PARD3B: variants seen among roughly 807,000 people sequenced by gnomAD.
PARD3B encodes the protein partitioning defective 3 homolog B.
Under a neutral mutation model 130.2 loss-of-function variants are expected in PARD3B, and 103 were observed. The ratio of observed to expected loss-of-function variants is 0.79; its 90% CI spans 0.67 to 0.93. The LOEUF is 0.93. Among genes scored for constraint, PARD3B ranks in the 40% least tolerant of loss-of-function variants. The pLI is 0.00. For missense variants in PARD3B, 1,609 were observed against 1,499.2 expected, an observed-to-expected ratio of 1.07 and a Z score of -1.21; for synonymous variants, 583 against 553.2, an observed-to-expected ratio of 1.05 and a Z score of -0.76.
chr2:204,943,922 C>T lies in PARD3B; in HGVS notation c.223-21230C>T, dbSNP rs1203690044. Among the ~76,000 whole-genome samples the T allele has an allele frequency of 6.6e-6, 1 of 152,088 alleles. No homozygotes were observed. On this transcript the variant is annotated intron_variant, in intron 2 of 22. Transcript: ENST00000406610. The surrounding 1 kb of genome is among the most constrained non-coding windows in gnomAD (Gnocchi z 4.2). ...ACTAAAGGGAAATTTAAAATAAATG[C>T]TAGCAATAAGTTAGTAAAAGTAGAA...
rs1169524136 is a variant in PARD3B, at chr2:205,575,107, ACACACACG to A, written c.3260+21706_3260+21713del. 6.5e-5 allele frequency among the ~76,000 whole-genome samples: 9 copies of A among 137,700 alleles called. No individual in the cohort carries two copies. The East Asian group carries it at 6.6e-4, about 10-fold the overall frequency. 90.3% of individuals were successfully genotyped at this position (137,700 alleles called of 152,430 possible). A position where few individuals can be genotyped will look rare whatever the true frequency, so the allele number is the denominator to read the frequency against. On this transcript the variant is annotated intron_variant, in intron 22 of 22. Transcript: ENST00000406610. The surrounding 1 kb of genome is among the most constrained non-coding windows in gnomAD (Gnocchi z 4.6). ...TAGACACACACACACACACACACAC[ACACACACG>A]CGTACACTATATATAAAAATATATT...
intron 22 of PARD3B, among the ~76,000 whole-genome samples, chr2:205,577,663 C>T (rs76746434): frequency 0.027 from 4,043 of 152,198 alleles, 73 homozygotes; most frequent in Non-Finnish European, 0.041. Flanking sequence ...AAATGAATTA[C>T]GCTTGGCAAT....
intron 10 of PARD3B, among the ~76,000 whole-genome samples, chr2:205,139,582 A>G (rs1346711610): frequency 1.3e-5 from 2 of 152,214 alleles, no homozygotes; most frequent in Non-Finnish European, 2.9e-5. Context: ...TGTACTATGT[A>G]GGCATGCAAG....
chr2:205,527,076 CACAGCA>C (rs1464298691), intron 21 of PARD3B, among the ~76,000 whole-genome samples: 1 of 152,166 alleles, frequency 6.6e-6, no homozygotes, highest in African/African-American at 2.4e-5. Flanking sequence ...CATCATCAGA[CACAGCA>C]AGTGTAACTA....
At chr2:204,925,844 C>G (rs1162329375) in intron 2 of PARD3B, among the ~76,000 whole-genome samples, 1 of 151,990 alleles carries the variant, frequency 6.6e-6, no homozygotes. Context: ...GGGCATTTTC[C>G]CCTGTGCTGT....
intron 1 of PARD3B, among the ~76,000 whole-genome samples, chr2:204,656,821 A>G (rs748926623): frequency 2.0e-5 from 3 of 152,166 alleles, no homozygotes; most frequent in Non-Finnish European, 4.4e-5. Flanking sequence ...CTCATGTACC[A>G]CCTTGTCCTC....
chr2:204,704,301 A>G (rs933465901), intron 2 of PARD3B, among the ~76,000 whole-genome samples: 2 of 152,202 alleles, frequency 1.3e-5, no homozygotes, highest in African/African-American at 2.4e-5. Flanking sequence ...GTTTTAATGT[A>G]TCAGTATATG....
At chr2:205,607,874 A>ATCTT (rs2055070309) in intron 22 of PARD3B, among the ~76,000 whole-genome samples, 2 of 150,762 alleles carry the variant, frequency 1.3e-5, no homozygotes, top group Non-Finnish European at 3.0e-5. Context: ...ACACACACAC[A>ATCTT]CACACAGAGG....
chr2:204,597,780 G>A (rs1326206155), intron 1 of PARD3B, among the ~76,000 whole-genome samples: 1 of 152,116 alleles, frequency 6.6e-6, no homozygotes, highest in African/African-American at 2.4e-5. Context: ...TTTTTGCAGA[G>A]GATGCCTTTA....
chr2:204,818,045 C>A (rs778904388), intron 2 of PARD3B, among the ~76,000 whole-genome samples: 2 of 152,094 alleles, frequency 1.3e-5, no homozygotes, highest in Admixed American at 6.6e-5. Context: ...AACTGTCCCT[C>A]TTTATTTATC....
At chr2:205,299,473 TG>T (rs1373908467) in intron 16 of PARD3B, among the ~76,000 whole-genome samples, 1 of 152,060 alleles carries the variant, frequency 6.6e-6, no homozygotes, top group African/African-American at 2.4e-5. Context: ...ACATGAGCTG[TG>T]GCCCTGGTGG....
intron 21 of PARD3B, among the ~76,000 whole-genome samples, chr2:205,507,620 C>T (rs2106362169): frequency 6.6e-6 from 1 of 152,084 alleles, no homozygotes; most frequent in Non-Finnish European, 1.5e-5. Flanking sequence ...AAGAGAGAGT[C>T]CTCAAAGGAA....
intron 20 of PARD3B, among the ~76,000 whole-genome samples, chr2:205,487,778 G>A (rs527432374): frequency 6.6e-6 from 1 of 152,178 alleles, no homozygotes; most frequent in Non-Finnish European, 1.5e-5. Context: ...CCATATAAAT[G>A]TCAGATATGT....
intron 2 of PARD3B, among the ~76,000 whole-genome samples, chr2:204,797,056 T>TC (rs1208631173): frequency 1.3e-5 from 2 of 151,410 alleles, no homozygotes; most frequent in African/African-American, 4.9e-5. Flanking sequence ...GTGCCTGTAG[T>TC]CCCAGCTACT....
At position 205,319,365 on chromosome 2, in the gene PARD3B, T is replaced by C. The variant is rs140040410; in HGVS notation, c.2630+17664T>C. ...GAGCACTGGCATAGTAGAGCTTGCT[T>C]ATTTCTGATGGGCCATCTCTAGAAC... On this transcript the variant is annotated intron_variant, in intron 18 of 22. Transcript: ENST00000406610. 3.0e-3 allele frequency among the ~76,000 whole-genome samples: 453 copies of C among 152,350 alleles called. 2 individuals carry two copies. The highest frequency in any genetic ancestry group is 0.01 in the Middle Eastern group (3 of 294).
chr2:205,609,177 G>A (rs2055133831), intron 22 of PARD3B, among the ~76,000 whole-genome samples: 1 of 152,162 alleles, frequency 6.6e-6, no homozygotes, highest in African/African-American at 2.4e-5. Context: ...ATTCGTGCCT[G>A]GACCGAGGAG....
Position 204,678,368 on chromosome 2 carries a change from G to C in PARD3B, c.121-7813G>C, listed in dbSNP as rs1259682654. Among the ~76,000 whole-genome samples the C allele has an allele frequency of 6.6e-6, 1 of 152,202 alleles. No individual in the cohort carries two copies. The highest frequency in any genetic ancestry group is 1.5e-5 in the Non-Finnish European group (1 of 68,044). ...AGAGAGCTAAGCCTTAACCAGCTCA[G>C]TGGAGAGTCAGGGTGACATATACCC... On this transcript the variant is annotated intron_variant, in intron 1 of 22. Transcript: ENST00000406610. The surrounding 1 kb of genome is among the most constrained non-coding windows in gnomAD (Gnocchi z 4.2).
chr2:204,921,514 C>T (rs75307779), intron 2 of PARD3B, among the ~76,000 whole-genome samples: 1,987 of 151,556 alleles, frequency 0.013, 39 homozygotes, highest in African/African-American at 0.045. Flanking sequence ...GATGTTTTGA[C>T]AATTAGAGTA....
chr2:205,260,948 C>G (rs111890961), intron 16 of PARD3B, among the ~76,000 whole-genome samples: 1 of 148,872 alleles, frequency 6.7e-6, no homozygotes, highest in Non-Finnish European at 1.5e-5. Context: ...CCATTGTGTC[C>G]CCTCCCAAGC....
Sources: allele counts gnomAD v4.1 joint callset (sites outside exome capture counted in the v4.1 genomes callset), GRCh38; gene constraint gnomAD v4.1.1; non-coding constraint Gnocchi (gnomAD v3.1); transcripts MANE v1.5; gene names NCBI Gene and HGNC (gene_info 2026-07-23, HGNC 2026-07-21).